LDAH: variants seen among roughly 807,000 people sequenced by gnomAD.
The protein encoded by LDAH is lipid droplet associated hydrolase, also known as lipid droplet-associated hydrolase.
In LDAH, 26 loss-of-function variants were observed where a neutral mutation model predicts 29.6. The ratio of observed to expected loss-of-function variants is 0.88; its 90% CI spans 0.64 to 1.22. The LOEUF (loss-of-function observed/expected upper bound fraction) is 1.22, where lower values mean the gene tolerates loss of function less well. Among genes scored for constraint, LDAH ranks in the 50% most tolerant of loss-of-function variants. The probability of loss-of-function intolerance (pLI) is 0.00; values close to 1 mark genes in which losing one functional copy is unlikely to be tolerated. For missense variants in LDAH, 344 were observed against 387.3 expected, an observed-to-expected ratio of 0.89 and a Z score of 0.94; for synonymous variants, 117 against 133.0, an observed-to-expected ratio of 0.88 and a Z score of 0.83.
intron 4 of LDAH, among the ~76,000 whole-genome samples, chr2:20,750,023 CTTTTTTTTTT>C (rs147397062): frequency 3.3e-4 from 42 of 127,094 alleles, no homozygotes; most frequent in Admixed American, 3.0e-3. Flanking sequence ...CCTTACTAAA[CTTTTTTTTTT>C]TTTTTTTTTT....
At chr2:20,736,453 A>T (rs904700142) in intron 5 of LDAH, among the ~76,000 whole-genome samples, 2 of 151,896 alleles carry the variant, frequency 1.3e-5, no homozygotes, top group African/African-American at 4.8e-5. Flanking sequence ...AAAAATATAT[A>T]ATAATAATAA....
At chr2:20,712,625 A>C (rs1057454367) in intron 5 of LDAH, among the ~76,000 whole-genome samples, 3 of 152,228 alleles carry the variant, frequency 2.0e-5, no homozygotes, top group African/African-American at 7.2e-5. Flanking sequence ...ATCACAAGGA[A>C]GCTAAAAACC....
At position 20,801,316 on chromosome 2, in the gene LDAH, T is replaced by G. The variant is rs774486411; in HGVS notation, c.148A>C (p.Ile50Leu). 1.9e-6 allele frequency: 3 copies of G among 1,613,430 alleles called. No homozygotes were observed. The East Asian group carries it at 6.7e-5, about 36-fold the overall frequency. The change falls in exon 2 of 7, where the codon ATT becomes CTT. Residue 50 changes from isoleucine to leucine, a missense_variant. Transcript: ENST00000237822. ...CCCAGACTTTTACGCTCACCAGGAATAATGAAAATAAGCAGCTTAGGCCTT... is the reference window on the plus strand; with the variant it reads ...CCCAGACTTTTACGCTCACCAGGAAGAATGAAAATAAGCAGCTTAGGCCTT... The part of the protein sequence containing the change: ...VKRPKLLIFI[I>L]PGNPGFSAFY...
intron 5 of LDAH, among the ~76,000 whole-genome samples, chr2:20,718,804 T>C (rs772178991): frequency 6.6e-6 from 1 of 152,170 alleles, no homozygotes; most frequent in African/African-American, 2.4e-5. Context: ...ATAGAAATCA[T>C]ATTAAGTATA....
At chr2:20,700,581 T>C (rs1031721804) in intron 6 of LDAH, among the ~76,000 whole-genome samples, 8 of 152,104 alleles carry the variant, frequency 5.3e-5, no homozygotes, top group African/African-American at 1.9e-4. Context: ...AGTTTGCCAC[T>C]CAGCAGGGAT....
At chr2:20,755,956 T>C (rs1057277227) in intron 4 of LDAH, among the ~76,000 whole-genome samples, 1 of 152,066 alleles carries the variant, frequency 6.6e-6, no homozygotes, top group African/African-American at 2.4e-5. Context: ...CTGTCCAAAT[T>C]ACCCTGTAGT....
chr2:20,770,153 ATAAG>A (rs1050784990), intron 4 of LDAH, among the ~76,000 whole-genome samples: 1 of 152,220 alleles, frequency 6.6e-6, no homozygotes, highest in Non-Finnish European at 1.5e-5. Flanking sequence ...CTGAAGGCAG[ATAAG>A]TAAGTAATAT....
chr2:20,716,729 C>CATATAT (rs138849399), intron 5 of LDAH, among the ~76,000 whole-genome samples: 9 of 124,502 alleles, frequency 7.2e-5, no homozygotes, highest in African/African-American at 2.2e-4. Context: ...AGTATATATA[C>CATATAT]ATATATATAT....
intron 5 of LDAH, among the ~76,000 whole-genome samples, chr2:20,709,959 C>T (rs529378896): frequency 1.3e-4 from 20 of 152,220 alleles, no homozygotes; most frequent in African/African-American, 2.9e-4. Flanking sequence ...AAATTTATAA[C>T]GCTAAAAACT....
chr2:20,687,988 G>T (rs535576393), intron 6 of LDAH, among the ~76,000 whole-genome samples: 5 of 152,360 alleles, frequency 3.3e-5, no homozygotes, highest in Admixed American at 1.3e-4. Flanking sequence ...TTGGCCAGCT[G>T]TAGTCACTTG....
chr2:20,772,398 C>T (rs376732912), intron 4 of LDAH, among the ~76,000 whole-genome samples: 1 of 152,212 alleles, frequency 6.6e-6, no homozygotes, highest in Middle Eastern at 3.2e-3. Context: ...CAGTTTGCTA[C>T]ATTTTATTTG....
At chr2:20,821,422 G>A (rs1228257279) in intron 1 of LDAH, among the ~76,000 whole-genome samples, 7 of 152,116 alleles carry the variant, frequency 4.6e-5, no homozygotes, top group African/African-American at 1.7e-4. Context: ...TACACCATGG[G>A]ATACTATGCA....
chr2:20,694,673 C>G (rs1008294682), intron 6 of LDAH, among the ~76,000 whole-genome samples: 5 of 152,178 alleles, frequency 3.3e-5, no homozygotes, highest in Admixed American at 2.6e-4. Context: ...GCCCGTGAAC[C>G]CTGCTTCTCT....
Position 20,774,827 on chromosome 2 carries a change from G to T in LDAH, c.451C>A (p.Arg151=). 1 of 1,612,976 alleles carries T rather than the reference G, an allele frequency of 6.2e-7. No individual in the cohort carries two copies. The highest frequency in any genetic ancestry group is 8.5e-7 in the Non-Finnish European group (1 of 1,179,914). ...GSYFTLQMLK[R]VPELPVIRAF... is the part of the protein sequence containing the mutation. ...CTACTTACCGGGAGCTCAGGGACTCGCTTCAGCATCTGAAGTGTGAAATAG... is the reference window on the plus strand; with the variant it reads ...CTACTTACCGGGAGCTCAGGGACTCTCTTCAGCATCTGAAGTGTGAAATAG... The change falls in exon 4 of 7, where the codon CGA becomes AGA. Residue 151 remains arginine, a synonymous_variant. Coordinates refer to ENST00000237822, the MANE Select transcript of LDAH (RefSeq NM_021925.4).
At chr2:20,683,938 G>T (rs1418642305), downstream of LDAH, 2 of 151,964 alleles carry the variant, frequency 1.3e-5, no homozygotes, top group African/African-American at 4.8e-5. Flanking sequence ...GACAGATCTG[G>T]GATTTGAACC....
chr2:20,789,109 C>T, intron 3 of LDAH: 1 of 1,549,650 alleles, frequency 6.5e-7, no homozygotes, highest in Admixed American at 2.0e-5. Flanking sequence ...GCACCCACCT[C>T]CATGCCCTAA....
chr2:20,788,881 A>T, intron 3 of LDAH: 2 of 357,042 alleles, frequency 5.6e-6, no homozygotes, highest in Non-Finnish European at 5.1e-6. Context: ...CTCATTTTTT[A>T]TTTTTTGGAA....
At chr2:20,732,636 G>C (rs114252369) in intron 5 of LDAH, among the ~76,000 whole-genome samples, 2,437 of 152,156 alleles carry the variant, frequency 0.016, 69 homozygotes, top group African/African-American at 0.056. Context: ...TTGAAGAATT[G>C]GTTTATTTCA....
At chr2:20,723,155 G>A (rs1471126065) in intron 5 of LDAH, among the ~76,000 whole-genome samples, 1 of 152,180 alleles carries the variant, frequency 6.6e-6, no homozygotes. Context: ...CAGTGGAAAA[G>A]TATTTAGTAA....
Sources: allele counts gnomAD v4.1 joint callset (sites outside exome capture counted in the v4.1 genomes callset), GRCh38; gene constraint gnomAD v4.1.1; transcripts MANE v1.5; gene names NCBI Gene and HGNC (gene_info 2026-07-23, HGNC 2026-07-21).